Variants in CEP20 observed in about 807,000 individuals in gnomAD.
The protein encoded by CEP20 is centrosomal protein 20, also known as FGFR1OP N-terminal like.
A neutral mutation model predicts 20.0 loss-of-function variants in CEP20; 18 were observed. That is an observed-to-expected ratio of 0.90 (90% CI 0.62 to 1.34). The LOEUF is 1.34. CEP20 is among the 40% of genes most tolerant of loss of function. The pLI is 0.00. For missense variants in CEP20, 215 were observed against 201.6 expected (o/e 1.07, Z -0.40); for synonymous variants, 77 against 73.7 (o/e 1.04, Z -0.23).
chr16:15,875,656 G>C (rs527383814), intron 3 of CEP20, among the ~76,000 whole-genome samples: 1 of 152,240 alleles, frequency 6.6e-6, no homozygotes, highest in East Asian at 1.9e-4. Flanking sequence ...GAAAAGTGCG[G>C]CCTCACAATA....
At chr16:15,875,026 C>T (rs1197654368) in intron 3 of CEP20, among the ~76,000 whole-genome samples, 2 of 152,168 alleles carry the variant, frequency 1.3e-5, no homozygotes, top group Admixed American at 1.3e-4. Context: ...CCCTGGCTGG[C>T]ATCTTGACTC....
chr16:15,880,638 T>C (rs1313629308), intron 2 of CEP20, among the ~76,000 whole-genome samples: 1 of 152,038 alleles, frequency 6.6e-6, no homozygotes, highest in African/African-American at 2.4e-5. Flanking sequence ...TCATGTACGG[T>C]TCCATCTACA....
intron 2 of CEP20, 68 bp from the exon 3 acceptor site, chr16:15,879,956 A>C (rs1215541807): frequency 9.2e-7 from 1 of 1,081,194 alleles, no homozygotes; most frequent in East Asian, 2.6e-5. Context: ...TTTTGAAAAG[A>C]ATCACATTTA....
intron 3 of CEP20, among the ~76,000 whole-genome samples, chr16:15,875,652 T>C (rs2044925874): frequency 1.3e-5 from 2 of 152,270 alleles, no homozygotes; most frequent in Admixed American, 6.5e-5. Context: ...TAAAGAAAAG[T>C]GCGGCCTCAC....
chr16:15,884,187 T>C lies in CEP20; in HGVS notation c.47A>G (p.Glu16Gly), dbSNP rs562693273. Residue 16 changes from glutamate to glycine, a missense_variant, in exon 2 of 5, where the codon GAA becomes GGA. Physicochemically the swap from Glu to Gly is moderately conservative, Grantham distance 98. Transcript: ENST00000255759. ...ELKAVLKDTL[E>G]KKGVLGHLKA... ...TAAATGCCCTAATACCCCCTTTTTT[T>C]CCAAGGTGTCCTTTAAAACTGTTCG... 2.7e-5 allele frequency: 43 copies of C among 1,610,832 alleles called. No individual in the cohort carries two copies. Among genetic ancestry groups the C allele is most frequent in the Admixed American group, 1.8e-4 (11 of 59,876 alleles).
At chr16:15,872,984 T>C (rs2044856967) in intron 4 of CEP20, among the ~76,000 whole-genome samples, 1 of 151,990 alleles carries the variant, frequency 6.6e-6, no homozygotes, top group Non-Finnish European at 1.5e-5. Context: ...AAAAAAATAA[T>C]CACTTGATAA....
Position 15,884,192 on chromosome 16 carries a change from G to A in CEP20, c.42C>T (p.Thr14=). 4 of 1,610,204 alleles carry A rather than the reference G, an allele frequency of 2.5e-6. No homozygotes were observed. Among genetic ancestry groups the A allele is most frequent in the South Asian group, 1.1e-5 (1 of 90,838 alleles). Residue 14 remains threonine (T), a synonymous_variant, in exon 2 of 5, where the codon ACC becomes ACT. Coordinates refer to ENST00000255759, the MANE Select transcript of CEP20 (RefSeq NM_144600.4). ...GCCCTAATACCCCCTTTTTTTCCAA[G>A]GTGTCCTTTAAAACTGTTCGATATA... ...VAELKAVLKD[T]LEKKGVLGHL... is the part of the protein sequence containing the mutation.
chr16:15,867,988 A>G (rs932996924), intron 4 of CEP20, among the ~76,000 whole-genome samples: 11 of 151,794 alleles, frequency 7.2e-5, no homozygotes, highest in East Asian at 3.9e-4. Flanking sequence ...AAAAAAAAAA[A>G]AAAAAGAAAG....
At chr16:15,884,736 C>T (rs1020054816) in intron 1 of CEP20, among the ~76,000 whole-genome samples, 8 of 152,158 alleles carry the variant, frequency 5.3e-5, no homozygotes, top group African/African-American at 1.9e-4. Context: ...AATCTCCTGA[C>T]CTCGTGATCC....
At chr16:15,873,091 AAATTT>A (rs2044860429) in intron 4 of CEP20, among the ~76,000 whole-genome samples, 1 of 147,358 alleles carries the variant, frequency 6.8e-6, no homozygotes, top group Non-Finnish European at 1.5e-5. Flanking sequence ...GTTTTTTTTT[AAATTT>A]AATTAATATA....
At chr16:15,878,289 AG>A (rs929411334) in intron 3 of CEP20, among the ~76,000 whole-genome samples, 1 of 152,170 alleles carries the variant, frequency 6.6e-6, no homozygotes, top group Admixed American at 6.5e-5. Context: ...AGGCATAATC[AG>A]AAATCAGGTG....
At chr16:15,876,921 G>A (rs1056238226) in intron 3 of CEP20, among the ~76,000 whole-genome samples, 4 of 147,412 alleles carry the variant, frequency 2.7e-5, no homozygotes, top group Admixed American at 6.9e-5. Context: ...GCACGATCTC[G>A]GCTCACTGCA....
At chr16:15,872,443 C>T (rs111704368) in intron 4 of CEP20, among the ~76,000 whole-genome samples, 31 of 152,280 alleles carry the variant, frequency 2.0e-4, no homozygotes, top group African/African-American at 7.5e-4. Context: ...CAGGTACAGG[C>T]TCGTGCCTGT....
chr16:15,885,911 A>C (rs2045234271), intron 1 of CEP20: 1 of 152,198 alleles, frequency 6.6e-6, no homozygotes, highest in African/African-American at 2.4e-5. Context: ...AGTATAGATA[A>C]TGGGGATCTT....
At chr16:15,880,956 G>T (rs1397438552) in intron 2 of CEP20, among the ~76,000 whole-genome samples, 1 of 151,636 alleles carries the variant, frequency 6.6e-6, no homozygotes, top group Non-Finnish European at 1.5e-5. Context: ...ACAGGCTTAG[G>T]GCTCCCACTG....
At chr16:15,871,920 CGTTTCCTAAAA>C (rs143858362) in intron 4 of CEP20, among the ~76,000 whole-genome samples, 10,110 of 152,154 alleles carry the variant, frequency 0.066, 455 homozygotes, top group East Asian at 0.21. Flanking sequence ...ACATTTTAGG[CGTTTCCTAAAA>C]GTTTCCTAAA....
intron 3 of CEP20, among the ~76,000 whole-genome samples, chr16:15,877,994 C>T (rs954375646): frequency 2.6e-5 from 4 of 151,468 alleles, no homozygotes; most frequent in Admixed American, 6.6e-5. Context: ...GAGGAGATTG[C>T]GGTGAGCTGA....
At chr16:15,871,459 A>G (rs1040429871) in intron 4 of CEP20, among the ~76,000 whole-genome samples, 1 of 152,098 alleles carries the variant, frequency 6.6e-6, no homozygotes, top group Non-Finnish European at 1.5e-5. Flanking sequence ...TTACTCATGT[A>G]CTTGCACTAT....
intron 3 of CEP20, among the ~76,000 whole-genome samples, chr16:15,876,899 C>T (rs1036821901): frequency 1.4e-5 from 2 of 147,494 alleles, no homozygotes; most frequent in African/African-American, 5.1e-5. Context: ...GTCGCCCAGG[C>T]TGAGTGCAGT....
Sources: allele counts gnomAD v4.1 joint callset (sites outside exome capture counted in the v4.1 genomes callset), GRCh38; gene constraint gnomAD v4.1.1; transcripts MANE v1.5; gene names NCBI Gene and HGNC (gene_info 2026-07-23, HGNC 2026-07-21).